The following RASGRF1 variants were observed in gnomAD, a reference collection of about 807,000 sequenced individuals.
The protein encoded by RASGRF1 is Ras protein specific guanine nucleotide releasing factor 1, also known as ras-specific guanine nucleotide-releasing factor 1.
A neutral mutation model predicts 138.7 loss-of-function variants in RASGRF1; 40 were observed. That is an observed-to-expected ratio of 0.29 (90% confidence interval 0.22 to 0.38). RASGRF1 has a LOEUF of 0.38. Ranked by LOEUF, RASGRF1 falls within the 10% of genes least tolerant of loss-of-function variation. The pLI, the probability that RASGRF1 is intolerant of heterozygous loss-of-function variation, is 1.00. For synonymous variants in RASGRF1, 614 were observed against 663.2 expected (o/e 0.93, Z 1.14); for missense variants, 1,108 against 1,650.4 (o/e 0.67, Z 5.69).
chr15:79,065,612 CA>C (rs1421387397), intron 1 of RASGRF1, among the ~76,000 whole-genome samples: 1 of 151,932 alleles, frequency 6.6e-6, no homozygotes, highest in Non-Finnish European at 1.5e-5. Flanking sequence ...AGAGAGAGGG[CA>C]GACAAACGAA....
chr15:79,072,050 A>G (rs991085611), intron 1 of RASGRF1, among the ~76,000 whole-genome samples: 19 of 151,978 alleles, frequency 1.3e-4, no homozygotes, highest in African/African-American at 4.6e-4. Context: ...ACCATCTGCT[A>G]TTGGGAAATG....
intron 24 of RASGRF1, among the ~76,000 whole-genome samples, chr15:78,974,646 G>T (rs1395520257): frequency 6.6e-6 from 1 of 152,266 alleles, no homozygotes; most frequent in East Asian, 1.9e-4. Context: ...TTCTGCTCAG[G>T]GAGAGCGCCT....
chr15:79,030,139 G>A (rs2057116342), intron 8 of RASGRF1, among the ~76,000 whole-genome samples: 1 of 152,192 alleles, frequency 6.6e-6, no homozygotes. Flanking sequence ...GGTCATGGAA[G>A]GATCGGGGGC....
chr15:79,006,471 C>T lies in RASGRF1; in HGVS notation c.1827-37G>A. On this transcript the variant is annotated intron_variant, in intron 13 of 26. Coordinates refer to ENST00000558480, the MANE Select transcript of RASGRF1 (RefSeq NM_001145648.3). This position sits in a 1 kb window ranked among gnomAD's most constrained non-coding sequence, Gnocchi z 4.0. ...GGAAGGATGCAGAGGTGATGTGGGT[C>T]TAAAGGCATCTGAATGGCACCCACC... 1.3e-6 allele frequency: 2 copies of T among 1,587,144 alleles called. No homozygotes were observed. Among genetic ancestry groups the T allele is most frequent in the Non-Finnish European group, 1.7e-6 (2 of 1,169,250 alleles).
At chr15:79,077,994 C>A (rs956272867) in intron 1 of RASGRF1, among the ~76,000 whole-genome samples, 6 of 152,132 alleles carry the variant, frequency 3.9e-5, no homozygotes, top group African/African-American at 1.4e-4. Flanking sequence ...CTGGTTAGGG[C>A]CAGCTCTCCC....
At chr15:78,978,215 C>CTTTTTTT (rs2055915117) in intron 24 of RASGRF1, among the ~76,000 whole-genome samples, 2 of 79,354 alleles carry the variant, frequency 2.5e-5, no homozygotes, top group African/African-American at 1.0e-4. Context: ...TTTTTCTTTT[C>CTTTTTTT]TTTTGTTTTT....
chr15:78,991,023 AACCATTCTGGG>A (rs1415252701), intron 21 of RASGRF1, among the ~76,000 whole-genome samples: 1 of 152,206 alleles, frequency 6.6e-6, no homozygotes, highest in African/African-American at 2.4e-5. Context: ...AATTCTGGGA[AACCATTCTGGG>A]ACCATTGTTA....
At chr15:79,053,999 A>G (rs962710363) in intron 3 of RASGRF1, among the ~76,000 whole-genome samples, 14 of 152,362 alleles carry the variant, frequency 9.2e-5, no homozygotes, top group Admixed American at 3.9e-4. Flanking sequence ...GCATTTGCCA[A>G]TTCCCATGAT....
chr15:79,015,530 A>G (rs575505622), intron 12 of RASGRF1, 121 bp from the exon 13 acceptor site: 2 of 880,786 alleles, frequency 2.3e-6, no homozygotes, highest in South Asian at 1.5e-5. Context: ...TCAAGCTTCA[A>G]GGGCATTGTC....
chr15:79,071,633 G>C (rs1334152109), intron 1 of RASGRF1, among the ~76,000 whole-genome samples: 1 of 151,854 alleles, frequency 6.6e-6, no homozygotes. Flanking sequence ...GCCTCCCAAA[G>C]TACTGGGATC....
chr15:78,995,340 C>T (rs6495357), intron 20 of RASGRF1, among the ~76,000 whole-genome samples: 147,793 of 148,580 alleles, frequency 0.99, 73,513 homozygotes, highest in Middle Eastern at 1. Flanking sequence ...TAGGCTGGAG[C>T]GTGCAGTGGA....
Position 79,006,215 on chromosome 15 carries a change from G to A in RASGRF1, c.2046C>T (p.Tyr682=), listed in dbSNP as rs2056671054. 2 of 1,614,116 alleles carry A rather than the reference G, an allele frequency of 1.2e-6. No homozygotes were observed. The highest frequency in any genetic ancestry group is 1.6e-4 in the Middle Eastern group (1 of 6,084). ...CAGGAATGGCACTGATAGGCTTCTT[G>A]TAGATGGTAATGAGCTTGTCCAGGA... ...IVVLDKLITI[Y]KKPISAIPAR... is the part of the protein sequence containing the mutation. Residue 682 remains tyrosine, a synonymous_variant, in exon 14 of 27, where the codon TAC becomes TAT. Transcript: ENST00000558480. The surrounding 1 kb of genome is among the most constrained non-coding windows in gnomAD (Gnocchi z 4.0).
intron 1 of RASGRF1, among the ~76,000 whole-genome samples, chr15:79,086,990 C>T (rs2057989151): frequency 6.6e-6 from 1 of 152,192 alleles, no homozygotes; most frequent in South Asian, 2.1e-4. Context: ...AGGTGGCTTG[C>T]AGCTGCCAGA....
At chr15:78,994,226 T>C (rs1178817635) in intron 20 of RASGRF1, among the ~76,000 whole-genome samples, 2 of 152,328 alleles carry the variant, frequency 1.3e-5, no homozygotes, top group South Asian at 2.1e-4. Context: ...CTGGAGGAAG[T>C]AGGGTCTGGG....
chr15:78,964,427 G>A (rs1451654860), intron 26 of RASGRF1, among the ~76,000 whole-genome samples: 1 of 152,076 alleles, frequency 6.6e-6, no homozygotes, highest in Non-Finnish European at 1.5e-5. Flanking sequence ...CGCCTGCCTC[G>A]GCCTCCCAAA....
intron 24 of RASGRF1, among the ~76,000 whole-genome samples, chr15:78,978,210 CTTTTCTTTTGTTTTTTTTTTTT>C (rs538846591): frequency 0.14 from 17,439 of 122,134 alleles, 1,081 homozygotes; most frequent in Admixed American, 0.18. Context: ...TTTTCTTTTT[CTTTTCTTTTGTTTTTTTTTTTT>C]TTTTTTTTTT....
rs574174237 is a variant in RASGRF1 at position 79,004,187 on chromosome 15, G to A, written c.2076-12C>T. 5 of 1,551,380 alleles carry A rather than the reference G, an allele frequency of 3.2e-6. No homozygotes were observed. The Admixed American group carries it at 7.3e-5, about 23-fold the overall frequency. On this transcript the variant is annotated splice_polypyrimidine_tract_variant and intron_variant, in intron 14 of 26. Coordinates refer to ENST00000558480, the MANE Select transcript of RASGRF1 (RefSeq NM_001145648.3). ...GGAGCTCCAGCGACCTGTGGGGAGG[G>A]CGGGGGTGAAAATGACAGTTAGCGT...
chr15:78,971,764 C>A, intron 26 of RASGRF1, 102 bp downstream of exon 26: 1 of 1,120,966 alleles, frequency 8.9e-7, no homozygotes, highest in South Asian at 1.3e-5. Context: ...CGAGAGAATT[C>A]TGGAAGGGAA....
In RASGRF1 at chr15:79,046,830, T is replaced by A. The variant is rs1019785252; in HGVS notation, c.794A>T (p.Asn265Ile). Residue 265 changes from asparagine (N) to isoleucine (I), a missense_variant, in exon 5 of 27, where the codon AAT (asparagine) becomes ATT (isoleucine). Asn to Ile is a moderately radical substitution (Grantham distance 149). This residue lies in a region of RASGRF1 where 169 missense variants were observed against 344.2 expected (regional missense o/e 0.49). Coordinates refer to ENST00000558480, the MANE Select transcript of RASGRF1 (RefSeq NM_001145648.3). This position sits in a 1 kb window ranked among gnomAD's most constrained non-coding sequence, Gnocchi z 5.3. ...YVQQLHILVN[N>I]FLRPLRMAAS... Reference sequence around the variant, plus strand: ...GGCCATCCGCAGCGGGCGCAGGAAATTGTTGACAAGGATGTGCAGCTGCTG... The same window carrying A: ...GGCCATCCGCAGCGGGCGCAGGAAAATGTTGACAAGGATGTGCAGCTGCTG... The A allele has an allele frequency of 6.2e-7, 1 of 1,614,036 alleles. No homozygotes were observed. The highest frequency in any genetic ancestry group is 1.3e-5 in the African/African-American group (1 of 74,908).
Sources: gnomAD v4.1 joint callset for allele counts (sites outside exome capture counted in the v4.1 genomes callset) on GRCh38, gnomAD v4.1.1 for gene constraint, gnomAD v4.1.1 regional missense constraint, Gnocchi (gnomAD v3.1) non-coding constraint, MANE v1.5 for transcripts, NCBI Gene and HGNC (gene_info 2026-07-23, HGNC 2026-07-21) for gene names.